Variants in SSTR2 observed in about 807,000 individuals in gnomAD.
SSTR2 encodes the protein somatostatin receptor 2.
SSTR2 carries 10 observed loss-of-function variants against 21.4 expected under a neutral mutation model. The ratio of observed to expected loss-of-function variants is 0.47; its 90% CI spans 0.29 to 0.79. The LOEUF is 0.79. Ranked by LOEUF, SSTR2 falls within the 30% of genes least tolerant of loss-of-function variation. The pLI is 0.10. For missense variants in SSTR2, 364 were observed against 468.8 expected (o/e 0.78, Z 2.06); for synonymous variants, 177 against 181.3 (o/e 0.98, Z 0.19).
intron 1 of SSTR2, chr17:73,167,985 T>C (rs996094855): frequency 1.3e-5 from 2 of 152,032 alleles, no homozygotes; most frequent in Admixed American, 1.3e-4. Flanking sequence ...AACACAGGAG[T>C]CAGTTGCTTC....
intron 1 of SSTR2, among the ~76,000 whole-genome samples, chr17:73,168,624 T>C (rs1308198696): frequency 6.6e-6 from 1 of 152,220 alleles, no homozygotes; most frequent in African/African-American, 2.4e-5. Context: ...GTTCCCATTA[T>C]GAGCCCAACG....
In SSTR2 at chr17:73,174,109, A is replaced by AC. The variant is rs1331425971; in HGVS notation, c.*3681dup. ...GCGCCACTGCACTTCAGCCTGGGTG[A>AC]CAGCACAAGACTCCATCTCAAAAAA... On this transcript the variant is annotated 3_prime_UTR_variant, in exon 2 of 2. Transcript: ENST00000357585. 2.0e-5 allele frequency: 3 copies of AC among 148,270 alleles called. No homozygotes were observed. Among genetic ancestry groups the AC allele is most frequent in the African/African-American group, 5.0e-5 (2 of 39,896 alleles). The allele number at this position is 148,270 out of a possible 1,614,324, so 9.2% of individuals were successfully genotyped here.
In SSTR2 at chr17:73,169,353, C is replaced by T. The variant is rs763458183; in HGVS notation, c.34C>T (p.His12Tyr). ...GGCGGATGAGCCACTCAATGGAAGC[C>T]ACACATGGCTATCCATTCCATTTGA... ...DMADEPLNGS[H>Y]TWLSIPFDLN... The change falls in exon 2 of 2, where the codon CAC (histidine) becomes TAC (tyrosine). Residue 12 changes from histidine (H) to tyrosine (Y), a missense_variant. This residue lies in a region of SSTR2 where 75 missense variants were observed against 75.4 expected (regional missense o/e 0.99). Transcript: ENST00000357585. This position sits in a 1 kb window ranked among gnomAD's most constrained non-coding sequence, Gnocchi z 5.2. 3.7e-6 allele frequency: 6 copies of T among 1,613,696 alleles called. No individual in the cohort carries two copies. Among genetic ancestry groups the T allele is most frequent in the Non-Finnish European group, 5.1e-6 (6 of 1,179,882 alleles).
intron 1 of SSTR2, 125 bp downstream of exon 1, chr17:73,165,413 A>C (rs929759768): frequency 3.3e-5 from 5 of 151,810 alleles, no homozygotes; most frequent in African/African-American, 1.2e-4. Flanking sequence ...TGCCCATCCG[A>C]GTGCCTGAGC....
At position 73,170,028 on chromosome 17, in the gene SSTR2, TC is replaced by T; in HGVS notation, c.711del (p.Ser238LeufsTer95). 1 of 1,614,026 alleles carries T rather than the reference TC, an allele frequency of 6.2e-7. No individual in the cohort carries two copies. The highest frequency in any genetic ancestry group is 8.5e-7 in the Non-Finnish European group (1 of 1,179,954). Reference protein sequence around the residue: ...CYLFIIIKVKSSGIRVGSSKR... With the variant: ...CYLFIIIKVKXSGIRVGSSKR... Reference sequence around the variant, plus strand: ...CCTGTTCATTATCATCAAGGTGAAGTCCTCTGGAATCCGAGTGGGCTCCTCT... The same window carrying T: ...CCTGTTCATTATCATCAAGGTGAAGTCTCTGGAATCCGAGTGGGCTCCTCT... On this transcript the variant is annotated frameshift_variant, in exon 2 of 2. Transcript: ENST00000357585. LOFTEE classifies it high-confidence loss of function.
At position 73,170,496 on chromosome 17, in the gene SSTR2, C is replaced by T; in HGVS notation, c.*67C>T. The T allele has an allele frequency of 6.4e-7, 1 of 1,571,976 alleles. No homozygotes were observed. Among genetic ancestry groups the T allele is most frequent in the South Asian group, 1.2e-5 (1 of 85,094 alleles). ...ACTGGCAATGGGCTCCCTACCCACA[C>T]TGGCTTCCTGCCTCCCACCCCTCAC... On this transcript the variant is annotated 3_prime_UTR_variant, in exon 2 of 2. Transcript: ENST00000357585.
chr17:73,166,528 T>C (rs2061217079), intron 1 of SSTR2, among the ~76,000 whole-genome samples: 2 of 152,064 alleles, frequency 1.3e-5, no homozygotes, highest in Admixed American at 6.5e-5. Flanking sequence ...AACCAACCAC[T>C]AGCCATTTCC....
At position 73,169,835 on chromosome 17, in the gene SSTR2, G is replaced by T; in HGVS notation, c.516G>T (p.Leu172=). The T allele has an allele frequency of 5.6e-6, 9 of 1,614,174 alleles. No individual in the cohort carries two copies. Among genetic ancestry groups the T allele is most frequent in the Non-Finnish European group, 7.6e-6 (9 of 1,180,026 alleles). The stretch of plus-strand genomic sequence containing the variant: ...TGGCTGTGTGGGGAGTCTCTCTGCT[G>T]GTCATCTTGCCCATCATGATATATG... The part of the protein sequence containing the change: ...ITMAVWGVSL[L]VILPIMIYAG... Residue 172 remains leucine (L), a synonymous_variant, in exon 2 of 2, where the codon CTG becomes CTT. Transcript: ENST00000357585. This position sits in a 1 kb window ranked among gnomAD's most constrained non-coding sequence, Gnocchi z 5.2.
Position 73,169,956 on chromosome 17 carries a change from T to C in SSTR2, c.637T>C (p.Phe213Leu). 6.2e-7 allele frequency: 1 copy of C among 1,607,000 alleles called. No homozygotes were observed. Among genetic ancestry groups the C allele is most frequent in the Admixed American group, 1.7e-5 (1 of 59,704 alleles). The change falls in exon 2 of 2, where the codon TTC becomes CTC. Residue 213 changes from phenylalanine to leucine, a missense_variant. This residue lies in a region of SSTR2 where 193 missense variants were observed against 273.1 expected (regional missense o/e 0.71). Transcript: ENST00000357585. This position sits in a 1 kb window ranked among gnomAD's most constrained non-coding sequence, Gnocchi z 5.2. ...GTACACAGGGTTCATCATCTACACT[T>C]TCATTCTGGGGTTCCTGGTACCCCT... ...AWYTGFIIYTFILGFLVPLTI... is the reference protein window; with the variant it reads ...AWYTGFIIYTLILGFLVPLTI...
rs1309120677 is a variant in SSTR2, at chr17:73,173,213, A to C, written c.*2784A>C. ...GAGCGAAACTTCATCTCAAAAAAAA[A>C]AAACAAAGACTAATTCTATAGTACC... On this transcript the variant is annotated 3_prime_UTR_variant, in exon 2 of 2. Coordinates refer to ENST00000357585, the MANE Select transcript of SSTR2 (RefSeq NM_001050.3). The C allele has an allele frequency of 2.6e-5, 4 of 152,322 alleles. No individual in the cohort carries two copies. Among genetic ancestry groups the C allele is most frequent in the Non-Finnish European group, 5.9e-5 (4 of 68,224 alleles). 9.4% of individuals were successfully genotyped at this position (152,322 alleles called of 1,614,324 possible). A position where few individuals can be genotyped will look rare whatever the true frequency, so the allele number is the denominator to read the frequency against.
Position 73,170,572 on chromosome 17 carries a change from C to A in SSTR2, c.*143C>A. On this transcript the variant is annotated 3_prime_UTR_variant, in exon 2 of 2. Transcript: ENST00000357585. ...CTCAGCATGAGTCCAATTCAGAGAACGGTGTTTGAGTCAGCTTGTCTGATT... is the reference window on the plus strand; with the variant it reads ...CTCAGCATGAGTCCAATTCAGAGAAAGGTGTTTGAGTCAGCTTGTCTGATT... 9.4e-7 allele frequency: 1 copy of A among 1,068,766 alleles called. No individual in the cohort carries two copies. The highest frequency in any genetic ancestry group is 1.4e-6 in the Non-Finnish European group (1 of 708,348). 66.2% of individuals were successfully genotyped at this position (1,068,766 alleles called of 1,614,324 possible). A position where few individuals can be genotyped will look rare whatever the true frequency, so the allele number is the denominator to read the frequency against.
chr17:73,171,105 A>T lies in SSTR2; in HGVS notation c.*676A>T. On this transcript the variant is annotated 3_prime_UTR_variant, in exon 2 of 2. Coordinates refer to ENST00000357585, the MANE Select transcript of SSTR2 (RefSeq NM_001050.3). ...CTCGTATAAGCTTCAAGCCTCACAA[A>T]CCTTCTAGCCTCTGCCCTTGGGGAT... The T allele has an allele frequency of 5.5e-6, 1 of 182,622 alleles. No homozygotes were observed. Among genetic ancestry groups the T allele is most frequent in the Admixed American group, 5.8e-5 (1 of 17,268 alleles). The allele number at this position is 182,622 out of a possible 1,614,324, so 11.3% of individuals were successfully genotyped here.
rs1489469654 is a variant in SSTR2 at position 73,170,656 on chromosome 17, A to G, written c.*227A>G. The G allele has an allele frequency of 1.4e-6, 1 of 697,760 alleles. No homozygotes were observed. Among genetic ancestry groups the G allele is most frequent in the Non-Finnish European group, 2.7e-6 (1 of 376,502 alleles). The allele number at this position is 697,760 out of a possible 1,614,324, so 43.2% of individuals were successfully genotyped here. ...TTAAAGCGAACACTGAAATGCAGGT[A>G]GACAATTCAAAGTCTGGAGAAGAGG... On this transcript the variant is annotated 3_prime_UTR_variant, in exon 2 of 2. Transcript: ENST00000357585.
In SSTR2 at chr17:73,170,691, T is replaced by C. The variant is rs200576729; in HGVS notation, c.*262T>C. ...AAGTCTGGAGAAGAGGGATCATGCC[T>C]GGATATGATCTTTAGAAACAACAAA... On this transcript the variant is annotated 3_prime_UTR_variant, in exon 2 of 2. Coordinates refer to ENST00000357585, the MANE Select transcript of SSTR2 (RefSeq NM_001050.3). The C allele has an allele frequency of 1.4e-5, 9 of 654,788 alleles. No individual in the cohort carries two copies. The highest frequency in any genetic ancestry group is 2.3e-5 in the Non-Finnish European group (8 of 346,604). 40.6% of individuals were successfully genotyped at this position (654,788 alleles called of 1,614,324 possible). A position where few individuals can be genotyped will look rare whatever the true frequency, so the allele number is the denominator to read the frequency against.
In SSTR2 at chr17:73,169,665, C is replaced by T. The variant is rs781693504; in HGVS notation, c.346C>T (p.Arg116Trp). The T allele has an allele frequency of 3.1e-6, 5 of 1,614,114 alleles. No individual in the cohort carries two copies. Among genetic ancestry groups the T allele is most frequent in the East Asian group, 2.2e-5 (1 of 44,898 alleles). The stretch of plus-strand genomic sequence containing the variant: ...CTGGCCCTTTGGCAAGGCCATTTGC[C>T]GGGTGGTCATGACTGTGGATGGCAT... ...VHWPFGKAIC[R>W]VVMTVDGINQ... Residue 116 changes from arginine (R) to tryptophan (W), a missense_variant, in exon 2 of 2, where the codon CGG (arginine) becomes TGG (tryptophan). Arg to Trp is a moderately radical substitution (Grantham distance 101, BLOSUM62 -3). Coordinates refer to ENST00000357585, the MANE Select transcript of SSTR2 (RefSeq NM_001050.3). This position sits in a 1 kb window ranked among gnomAD's most constrained non-coding sequence, Gnocchi z 5.2.
Position 73,172,188 on chromosome 17 carries a change from G to C in SSTR2, c.*1759G>C, listed in dbSNP as rs1250790325. On this transcript the variant is annotated 3_prime_UTR_variant, in exon 2 of 2. Transcript: ENST00000357585. ...GCTCTGCAAGGACTATTGTAGACAG[G>C]CACTTCACACCATAAAGTGGCATTT... The C allele has an allele frequency of 6.6e-6, 1 of 152,012 alleles. No individual in the cohort carries two copies. Among genetic ancestry groups the C allele is most frequent in the Non-Finnish European group, 1.5e-5 (1 of 68,034 alleles). 9.4% of individuals were successfully genotyped at this position (152,012 alleles called of 1,614,324 possible). A position where few individuals can be genotyped will look rare whatever the true frequency, so the allele number is the denominator to read the frequency against.
chr17:73,167,839 G>A lies in SSTR2; in HGVS notation c.-92-1389G>A, dbSNP rs529299272. 3.1e-3 allele frequency: 467 copies of A among 152,422 alleles called. 1 individual carries two copies. Among genetic ancestry groups the A allele is most frequent in the Non-Finnish European group, 5.0e-3 (340 of 68,150 alleles). The allele number at this position is 152,422 out of a possible 1,614,324, so 9.4% of individuals were successfully genotyped here. A position where few individuals can be genotyped will look rare whatever the true frequency, so the allele number is the denominator to read the frequency against. The stretch of plus-strand genomic sequence containing the variant: ...ACATCCCTGCTGTCAGCACAAAGAA[G>A]CCTCCTCTCCAGGCCCCCAACCCCC... On this transcript the variant is annotated intron_variant, in intron 1 of 1. Transcript: ENST00000357585.
intron 1 of SSTR2, among the ~76,000 whole-genome samples, chr17:73,165,942 GC>G (rs398041871): frequency 0.019 from 2,636 of 142,424 alleles, 95 homozygotes; most frequent in African/African-American, 0.065. Flanking sequence ...TGTCCTCAGC[GC>G]CCCCCCCCCA....
Sources: gnomAD v4.1 joint callset for allele counts (sites outside exome capture counted in the v4.1 genomes callset) on GRCh38, gnomAD v4.1.1 for gene constraint, gnomAD v4.1.1 regional missense constraint, Gnocchi (gnomAD v3.1) non-coding constraint, MANE v1.5 for transcripts, NCBI Gene and HGNC (gene_info 2026-07-23, HGNC 2026-07-21) for gene names.